Variants in NR5A2 observed in about 807,000 individuals in gnomAD.
NR5A2 encodes nuclear receptor subfamily 5 group A member 2.
In NR5A2, 26 loss-of-function variants were observed where a neutral mutation model predicts 62.7. The observed-to-expected ratio is 0.41, with a 90% CI of 0.30 to 0.58. The LOEUF is 0.58. Among genes scored for constraint, NR5A2 ranks in the 20% least tolerant of loss-of-function variants. NR5A2 has a pLI of 0.22. For missense variants in NR5A2, 541 were observed against 669.1 expected (o/e 0.81, Z 2.11); for synonymous variants, 246 against 241.7 (o/e 1.02, Z -0.16).
At chr1:200,088,879 T>C (rs1329211106) in intron 5 of NR5A2, among the ~76,000 whole-genome samples, 1 of 152,126 alleles carries the variant, frequency 6.6e-6, no homozygotes, top group Admixed American at 6.5e-5. Context: ...CCTCATCCTC[T>C]CTCCCCATTT....
chr1:200,168,261 G>A (rs1209346279), intron 7 of NR5A2, among the ~76,000 whole-genome samples: 5 of 150,404 alleles, frequency 3.3e-5, no homozygotes, highest in Admixed American at 6.6e-5. Context: ...GCCCAGGCTG[G>A]AGTGCAGTGG....
chr1:200,033,371 A>AG (rs988856508), intron 1 of NR5A2, among the ~76,000 whole-genome samples: 12 of 152,064 alleles, frequency 7.9e-5, no homozygotes, highest in African/African-American at 2.9e-4. Flanking sequence ...CCATGAGAGG[A>AG]GGGGATAGGG....
chr1:200,144,944 T>A (rs2102351767), intron 7 of NR5A2, among the ~76,000 whole-genome samples: 1 of 152,308 alleles, frequency 6.6e-6, no homozygotes, highest in Non-Finnish European at 1.5e-5. Flanking sequence ...CTTTATATGA[T>A]GCTCTAGCAC....
intron 7 of NR5A2, among the ~76,000 whole-genome samples, chr1:200,156,159 T>A (rs1653373996): frequency 6.6e-6 from 1 of 152,192 alleles, no homozygotes; most frequent in African/African-American, 2.4e-5. Flanking sequence ...CCTTAACACT[T>A]CAGTTTTGAA....
At chr1:200,128,348 T>C (rs146797419) in intron 7 of NR5A2, among the ~76,000 whole-genome samples, 9 of 152,350 alleles carry the variant, frequency 5.9e-5, no homozygotes, top group Non-Finnish European at 1.3e-4. Flanking sequence ...TTTTTCTCTA[T>C]GTGAACTCTG....
chr1:200,052,472 C>T (rs1225339494), intron 5 of NR5A2, among the ~76,000 whole-genome samples: 1 of 152,132 alleles, frequency 6.6e-6, no homozygotes, highest in African/African-American at 2.4e-5. Flanking sequence ...AGACAGGAGC[C>T]ATTGTGCCTG....
intron 5 of NR5A2, among the ~76,000 whole-genome samples, chr1:200,103,122 CTTTTTTTTTT>C (rs10655211): frequency 3.1e-4 from 33 of 106,642 alleles, no homozygotes; most frequent in Non-Finnish European, 2.7e-4. Flanking sequence ...ATGTAAAACT[CTTTTTTTTTT>C]TTTTTTTTTG....
intron 5 of NR5A2, among the ~76,000 whole-genome samples, chr1:200,107,370 C>T (rs1665731301): frequency 6.6e-6 from 1 of 151,756 alleles, no homozygotes; most frequent in Admixed American, 6.6e-5. Context: ...CCGTCCCTGC[C>T]CTCAGGGAAG....
rs1029838413 is a variant in NR5A2, at chr1:200,106,938, C to T, written c.1111-4264C>T. Among the ~76,000 whole-genome samples the T allele has an allele frequency of 2.0e-5, 3 of 152,178 alleles. No homozygotes were observed. In the South Asian group the frequency reaches 6.2e-4, roughly 31 times the overall value. ...AATTTCAAGATAATATAAAATACCA[C>T]ATAATCAATTATGGAAAATAATGAA... On this transcript the variant is annotated intron_variant, in intron 5 of 7. Transcript: ENST00000367362.
intron 5 of NR5A2, among the ~76,000 whole-genome samples, chr1:200,071,141 G>A (rs536199611): frequency 1.3e-5 from 2 of 152,238 alleles, no homozygotes; most frequent in Admixed American, 6.5e-5. Flanking sequence ...ATCATTTGTA[G>A]GACTATTTTG....
At chr1:200,104,014 A>G (rs987628420) in intron 5 of NR5A2, among the ~76,000 whole-genome samples, 6 of 152,214 alleles carry the variant, frequency 3.9e-5, no homozygotes, top group African/African-American at 1.4e-4. Context: ...AATAGAAAAG[A>G]GAGAGTCCAG....
chr1:200,051,022 C>T (rs754086719), intron 5 of NR5A2, among the ~76,000 whole-genome samples: 10 of 152,140 alleles, frequency 6.6e-5, no homozygotes, highest in Non-Finnish European at 1.5e-4. Context: ...TTGGCAAAAA[C>T]TATTACATGT....
At chr1:200,149,683 G>A (rs931717656) in intron 7 of NR5A2, among the ~76,000 whole-genome samples, 1 of 152,142 alleles carries the variant, frequency 6.6e-6, no homozygotes, top group Non-Finnish European at 1.5e-5. Flanking sequence ...AAAACCATAC[G>A]CCAGCAGTGT....
intron 5 of NR5A2, among the ~76,000 whole-genome samples, chr1:200,091,242 A>G (rs901784499): frequency 5.9e-5 from 9 of 152,184 alleles, no homozygotes; most frequent in Non-Finnish European, 1.5e-5. Flanking sequence ...GCACTCTAAC[A>G]GTGACTACTA....
intron 5 of NR5A2, among the ~76,000 whole-genome samples, chr1:200,084,989 A>G (rs922037489): frequency 1.3e-5 from 2 of 152,238 alleles, no homozygotes; most frequent in Non-Finnish European, 2.9e-5. Context: ...TCCAGATTAA[A>G]TGACTTGTTG....
At chr1:200,132,074 A>G (rs1666989154) in intron 7 of NR5A2, among the ~76,000 whole-genome samples, 1 of 152,004 alleles carries the variant, frequency 6.6e-6, no homozygotes, top group Non-Finnish European at 1.5e-5. Context: ...CAGTGGTGCA[A>G]TTTTGGCTCA....
At chr1:200,125,989 C>G (rs1175516022) in intron 7 of NR5A2, among the ~76,000 whole-genome samples, 1 of 152,040 alleles carries the variant, frequency 6.6e-6, no homozygotes, top group Non-Finnish European at 1.5e-5. Flanking sequence ...GCTGGGGCTA[C>G]AGGTCACACT....
intron 5 of NR5A2, among the ~76,000 whole-genome samples, chr1:200,082,317 T>C (rs1440714149): frequency 6.6e-6 from 1 of 152,186 alleles, no homozygotes; most frequent in African/African-American, 2.4e-5. Flanking sequence ...AAAATTATGA[T>C]CATATTTTTG....
intron 7 of NR5A2, among the ~76,000 whole-genome samples, chr1:200,141,823 A>C (rs1485419863): frequency 6.6e-6 from 1 of 152,212 alleles, no homozygotes; most frequent in African/African-American, 2.4e-5. Context: ...ACACTTGGGA[A>C]GTCTTTTGGA....
Sources: allele counts gnomAD v4.1 joint callset (sites outside exome capture counted in the v4.1 genomes callset), GRCh38; gene constraint gnomAD v4.1.1; transcripts MANE v1.5; gene names NCBI Gene and HGNC (gene_info 2026-07-23, HGNC 2026-07-21).